PALB2: variants seen among roughly 807,000 people sequenced by gnomAD.
The protein encoded by PALB2 is partner and localizer of BRCA2.
In PALB2, 82 loss-of-function variants were observed where a neutral mutation model predicts 107.4. The ratio of observed to expected loss-of-function variants is 0.76; its 90% CI spans 0.64 to 0.92. The LOEUF is 0.92. PALB2 is among the 40% of genes least tolerant of loss of function. PALB2 has a pLI of 0.00. For synonymous variants in PALB2, 489 were observed against 496.8 expected (o/e 0.98, Z 0.21); for missense variants, 1,374 against 1,379.9 (o/e 1.00, Z 0.07).
chr16:23,636,925 T>G (rs1967076771), intron 3 of PALB2, among the ~76,000 whole-genome samples: 1 of 152,178 alleles, frequency 6.6e-6, no homozygotes, highest in Non-Finnish European at 1.5e-5. Context: ...CACCTAGAAT[T>G]TTTCTCTGTT....
At chr16:23,628,370 T>C (rs1966851076) in intron 6 of PALB2, among the ~76,000 whole-genome samples, 1 of 152,226 alleles carries the variant, frequency 6.6e-6, no homozygotes, top group Non-Finnish European at 1.5e-5. Context: ...AGCCAGTAAC[T>C]GGGAAAAACT....
intron 4 of PALB2, among the ~76,000 whole-genome samples, chr16:23,631,547 A>G (rs940193832): frequency 6.6e-6 from 1 of 152,122 alleles, no homozygotes; most frequent in Non-Finnish European, 1.5e-5. Context: ...ATACATAAAT[A>G]AATAAAACCA....
intron 12 of PALB2, among the ~76,000 whole-genome samples, chr16:23,607,026 C>T (rs970420043): frequency 2.0e-5 from 3 of 151,316 alleles, no homozygotes; most frequent in African/African-American, 7.3e-5. Context: ...CTTGGCCAGG[C>T]TGGTGAACTC....
rs776115183 is a variant in PALB2 at position 23,635,350 on chromosome 16, G to C, written c.1196C>G (p.Pro399Arg). The change falls in exon 4 of 13, where the codon CCT (proline) becomes CGT (arginine). Residue 399 changes from proline to arginine, a missense_variant. Pro to Arg is a moderately radical substitution (Grantham distance 103, BLOSUM62 -2). Transcript: ENST00000261584. ...LSAEKHSCTV[P>R]EGLLFPAEYY... ...TTCTGCAGGAAACAGAAGGCCTTCAGGCACTGTGCAAGAATGTTTTTCTGC... is the reference window on the plus strand; with the variant it reads ...TTCTGCAGGAAACAGAAGGCCTTCACGCACTGTGCAAGAATGTTTTTCTGC... 2 of 1,613,984 alleles carry C rather than the reference G, an allele frequency of 1.2e-6. No homozygotes were observed. Among genetic ancestry groups the C allele is most frequent in the South Asian group, 2.2e-5 (2 of 91,082 alleles).
Position 23,635,504 on chromosome 16 carries a change from G to A in PALB2, c.1042C>T (p.Gln348Ter), listed in dbSNP as rs375699023. The A allele has an allele frequency of 6.2e-7, 1 of 1,613,850 alleles. No homozygotes were observed. Among genetic ancestry groups the A allele is most frequent in the Admixed American group, 1.7e-5 (1 of 59,954 alleles). ...TTTAAAGATTTCTCTGTTTGATTTT[G>A]TTCTTTTAAGTTTTGGTTTTCATTT... ...PANENQNLKEQNQTEKSLKSP... is the reference protein window; with the variant it reads ...PANENQNLKE The change falls in exon 4 of 13, where the codon CAA becomes TAA. Residue 348 changes from glutamine (Q) to a stop codon, truncating the protein, a stop_gained. Coordinates refer to ENST00000261584, the MANE Select transcript of PALB2 (RefSeq NM_024675.4). LOFTEE classifies it high-confidence loss of function.
chr16:23,612,916 C>T (rs552811435), intron 11 of PALB2, among the ~76,000 whole-genome samples: 1 of 152,148 alleles, frequency 6.6e-6, no homozygotes, highest in Admixed American at 6.5e-5. Context: ...CCACGCCCAC[C>T]TAATTTTTGT....
intron 4 of PALB2, 101 bp downstream of exon 4, chr16:23,634,761 C>G: frequency 6.7e-7 from 1 of 1,494,366 alleles, no homozygotes; most frequent in Non-Finnish European, 9.0e-7. Context: ...CACACTTGGC[C>G]CTGTCACTTT....
At chr16:23,612,127 C>T (rs1966598068) in intron 11 of PALB2, among the ~76,000 whole-genome samples, 1 of 152,214 alleles carries the variant, frequency 6.6e-6, no homozygotes, top group Admixed American at 6.5e-5. Context: ...ATTGTCTCTG[C>T]TCATGGCTTC....
chr16:23,621,570 C>A, intron 9 of PALB2, 92 bp from the exon 10 acceptor site: 1 of 787,566 alleles, frequency 1.3e-6, no homozygotes, highest in Non-Finnish European at 2.2e-6. Context: ...ATAATATAAA[C>A]TAACCTAATA....
At chr16:23,627,549 A>T (rs1438996381) in intron 6 of PALB2, among the ~76,000 whole-genome samples, 2 of 151,988 alleles carry the variant, frequency 1.3e-5, no homozygotes, top group Non-Finnish European at 2.9e-5. Context: ...TAAGAAAACA[A>T]GAAAGATTAA....
At chr16:23,620,284 A>G (rs1966750038) in intron 10 of PALB2, among the ~76,000 whole-genome samples, 1 of 152,204 alleles carries the variant, frequency 6.6e-6, no homozygotes, top group African/African-American at 2.4e-5. Flanking sequence ...GCTAGAATTT[A>G]GGGTTCTTTT....
intron 12 of PALB2, among the ~76,000 whole-genome samples, chr16:23,606,540 G>A (rs1375886891): frequency 6.6e-6 from 1 of 152,118 alleles, no homozygotes; most frequent in Non-Finnish European, 1.5e-5. Context: ...ATTAAAGTCA[G>A]ACCTTGTTTT....
rs75063016 is a variant in PALB2 at position 23,618,435 on chromosome 16, C to T, written c.3113+2927G>A. Among the ~76,000 whole-genome samples the T allele has an allele frequency of 5.3e-5, 8 of 152,118 alleles. No homozygotes were observed. In the South Asian group the frequency reaches 6.2e-4, roughly 12 times the overall value. On this transcript the variant is annotated intron_variant, in intron 10 of 12. Transcript: ENST00000261584. ...GAAGGAAAAAGGGAGGAAAGGAGGACGGCAGAGCTGGAGAGGACATTTTTG... is the reference window on the plus strand; with the variant it reads ...GAAGGAAAAAGGGAGGAAAGGAGGATGGCAGAGCTGGAGAGGACATTTTTG...
rs1406659804 is a variant in PALB2 at position 23,630,070 on chromosome 16, T to C, written c.2084A>G (p.Lys695Arg). ...KRPNSQSQHT[K>R]TGLSSSILLY... ...TAATATGGATGAAGAAAGGCCCGTC[T>C]TTGTATGCTGGCTTTGCGAGTTTGG... The change falls in exon 5 of 13, where the codon AAG becomes AGG. Residue 695 changes from lysine to arginine, a missense_variant. Coordinates refer to ENST00000261584, the MANE Select transcript of PALB2 (RefSeq NM_024675.4). 6.2e-7 allele frequency: 1 copy of C among 1,614,204 alleles called. No individual in the cohort carries two copies. Among genetic ancestry groups the C allele is most frequent in the Non-Finnish European group, 8.5e-7 (1 of 1,180,040 alleles).
chr16:23,638,029 T>G, intron 2 of PALB2, 41 bp downstream of exon 2: 1 of 1,606,774 alleles, frequency 6.2e-7, no homozygotes, highest in Non-Finnish European at 8.5e-7. Context: ...TTTAAATTGT[T>G]TGTACTATAA....
At chr16:23,620,218 C>G (rs558655104) in intron 10 of PALB2, among the ~76,000 whole-genome samples, 1 of 152,332 alleles carries the variant, frequency 6.6e-6, no homozygotes, top group South Asian at 2.1e-4. Context: ...TCCAAGCAGT[C>G]TGACCTATGA....
At chr16:23,628,239 A>G (rs1376464665) in intron 6 of PALB2, among the ~76,000 whole-genome samples, 1 of 152,192 alleles carries the variant, frequency 6.6e-6, no homozygotes, top group African/African-American at 2.4e-5. Context: ...TCAAAAAATA[A>G]AATAAGTTAT....
chr16:23,636,054 A>C lies in PALB2; in HGVS notation c.492T>G (p.Phe164Leu). 1 of 1,614,076 alleles carries C rather than the reference A, an allele frequency of 6.2e-7. No homozygotes were observed. The highest frequency in any genetic ancestry group is 8.5e-7 in the Non-Finnish European group (1 of 1,180,022). The change falls in exon 4 of 13, where the codon TTT becomes TTG. Residue 164 changes from phenylalanine to leucine, a missense_variant. Phe to Leu is a conservative substitution (Grantham distance 22). Coordinates refer to ENST00000261584, the MANE Select transcript of PALB2 (RefSeq NM_024675.4). ...TFISQERDCV[F>L]GTDSLRLSGK... ...CAGACAATCTGAGTGAATCAGTGCC[A>C]AAGACACAGTCTCTCTCCTGTGAAA...
At chr16:23,637,719 T>A (rs1379786735) in intron 3 of PALB2, 131 bp downstream of exon 3, 7 of 713,690 alleles carry the variant, frequency 9.8e-6, no homozygotes, top group Non-Finnish European at 1.4e-5. Context: ...AAAAATAAAA[T>A]TAAAATTAAA....
Sources: allele counts gnomAD v4.1 joint callset (sites outside exome capture counted in the v4.1 genomes callset), GRCh38; gene constraint gnomAD v4.1.1; transcripts MANE v1.5; gene names NCBI Gene and HGNC (gene_info 2026-07-23, HGNC 2026-07-21).